The following WNK1 variants were observed in gnomAD, a reference collection of about 807,000 sequenced individuals.
The protein encoded by WNK1 is serine/threonine-protein kinase WNK1.
A neutral mutation model predicts 222.8 loss-of-function variants in WNK1; 38 were observed. The ratio of observed to expected loss-of-function variants is 0.17; its 90% CI spans 0.13 to 0.22. WNK1 has a LOEUF of 0.22. Ranked by LOEUF, WNK1 falls within the 10% of genes least tolerant of loss-of-function variation. The probability of loss-of-function intolerance (pLI) is 1.00; values close to 1 mark genes in which losing one functional copy is unlikely to be tolerated. For missense variants in WNK1, 2,348 were observed against 2,918.4 expected (o/e 0.80, Z 4.50); for synonymous variants, 1,090 against 1,092.9 (o/e 1.00, Z 0.05).
Position 896,516 on chromosome 12 carries a change from C to T in WNK1, c.6029C>T (p.Pro2010Leu), listed in dbSNP as rs764595104. The stretch of plus-strand genomic sequence containing the variant: ...TCAGAGCCTTCACATCTAAATGGGC[C>T]GTCTTCTGACCCGGAGGCCGCTTTT... ...ELSEPSHLNG[P>L]SSDPEAAFLS... The change falls in exon 24 of 28, where the codon CCG becomes CTG. Residue 2010 changes from proline (P) to leucine (L), a missense_variant. Pro to Leu is a moderately conservative substitution (Grantham distance 98). Around this residue, in one of 13 missense-constraint regions of WNK1, gnomAD observed 1,144 missense variants for 1,273.6 expected, o/e 0.90. Coordinates refer to ENST00000315939, the MANE Select transcript of WNK1 (RefSeq NM_018979.4). 1.1e-5 allele frequency: 17 copies of T among 1,613,406 alleles called. No individual in the cohort carries two copies. The highest frequency in any genetic ancestry group is 6.7e-5 in the Admixed American group (4 of 59,906).
At chr12:853,878 T>C (rs1305549597) in intron 4 of WNK1, among the ~76,000 whole-genome samples, 1 of 151,878 alleles carries the variant, frequency 6.6e-6, no homozygotes, top group Non-Finnish European at 1.5e-5. Flanking sequence ...GCCTCCTGAG[T>C]AGGTGGACCT....
intron 4 of WNK1, among the ~76,000 whole-genome samples, chr12:833,091 AAACTT>A (rs1472901027): frequency 6.6e-6 from 1 of 151,964 alleles, no homozygotes; most frequent in Non-Finnish European, 1.5e-5. Flanking sequence ...AAATTGTAGA[AAACTT>A]AAGAGGTATA....
rs896104010 is a variant in WNK1, at chr12:827,517, T to G, written c.1153+255T>G. 2.0e-6 allele frequency: 1 copy of G among 491,834 alleles called. No individual in the cohort carries two copies. The highest frequency in any genetic ancestry group is 4.0e-5 in the Admixed American group (1 of 24,976). 30.5% of individuals were successfully genotyped at this position (491,834 alleles called of 1,614,324 possible). On this transcript the variant is annotated intron_variant, in intron 3 of 27. Coordinates refer to ENST00000315939, the MANE Select transcript of WNK1 (RefSeq NM_018979.4). This position sits in a 1 kb window ranked among gnomAD's most constrained non-coding sequence, Gnocchi z 4.6. The stretch of plus-strand genomic sequence containing the variant: ...GTTGATAAAACCTAATGTAATAGCC[T>G]TTTTTGTTGTTGTTGTTGTTGTTGT...
intron 26 of WNK1, among the ~76,000 whole-genome samples, chr12:901,285 A>C (rs1297446135): frequency 2.0e-5 from 3 of 152,248 alleles, no homozygotes; most frequent in Non-Finnish European, 4.4e-5. Flanking sequence ...CAGAAATTAG[A>C]GATCAGTCTC....
chr12:878,136 T>A (rs1952794128), intron 9 of WNK1, 76 bp from the exon 10 acceptor site: 1 of 1,576,772 alleles, frequency 6.3e-7, no homozygotes, highest in Non-Finnish European at 8.7e-7. Flanking sequence ...ACTGAAGGCT[T>A]TAGGTAAACA....
chr12:852,167 A>G (rs1292053885), intron 4 of WNK1, among the ~76,000 whole-genome samples: 1 of 152,216 alleles, frequency 6.6e-6, no homozygotes, highest in Non-Finnish European at 1.5e-5. Flanking sequence ...AGTTGGCAAA[A>G]CACAGTATAT....
At chr12:850,318 GTGA>G (rs1389668609) in intron 4 of WNK1, among the ~76,000 whole-genome samples, 1 of 152,028 alleles carries the variant, frequency 6.6e-6, no homozygotes, top group African/African-American at 2.4e-5. Context: ...CTGATGGCCA[GTGA>G]TGATGAGCAT....
Position 806,985 on chromosome 12 carries a change from C to T in WNK1, c.760-6657C>T, listed in dbSNP as rs186053948. On this transcript the variant is annotated intron_variant, in intron 1 of 27. Coordinates refer to ENST00000315939, the MANE Select transcript of WNK1 (RefSeq NM_018979.4). ...TTTTTCCTGACTCTTCAAATCTTCTCGCTGGGCTTCTGGGCTAGATCTCCC... is the reference window on the plus strand; with the variant it reads ...TTTTTCCTGACTCTTCAAATCTTCTTGCTGGGCTTCTGGGCTAGATCTCCC... 6.6e-5 allele frequency among the ~76,000 whole-genome samples: 10 copies of T among 152,262 alleles called. No individual in the cohort carries two copies. In the East Asian group the frequency reaches 1.7e-3, roughly 26 times the overall value.
intron 7 of WNK1, 142 bp from the exon 8 acceptor site, chr12:861,941 C>A (rs1425050658): frequency 5.4e-6 from 5 of 928,506 alleles, no homozygotes; most frequent in Non-Finnish European, 8.3e-6. Flanking sequence ...GGCTACAATT[C>A]ATTTTTTATT....
intron 1 of WNK1, among the ~76,000 whole-genome samples, chr12:800,250 A>T (rs1945742208): frequency 6.6e-6 from 1 of 152,190 alleles, no homozygotes; most frequent in Admixed American, 6.5e-5. Flanking sequence ...AAATCCAGAA[A>T]AAAACATTTA....
chr12:755,252 G>T (rs1226449552), intron 1 of WNK1, among the ~76,000 whole-genome samples: 3 of 152,144 alleles, frequency 2.0e-5, no homozygotes, highest in Admixed American at 2.0e-4. Context: ...AGTAGGAGCA[G>T]GTTTATGCTG....
At chr12:861,490 T>C (rs974368570) in intron 7 of WNK1, 147 bp downstream of exon 7, 1 of 725,354 alleles carries the variant, frequency 1.4e-6, no homozygotes, top group African/African-American at 1.8e-5. Flanking sequence ...CTAGCTTCTC[T>C]TTATTCTTAT....
intron 4 of WNK1, among the ~76,000 whole-genome samples, chr12:831,532 T>C (rs1351707282): frequency 2.7e-5 from 4 of 150,142 alleles, no homozygotes; most frequent in Non-Finnish European, 5.9e-5. Context: ...AGTAAGACTC[T>C]GTCTCAAAAA....
intron 8 of WNK1, chr12:865,422 C>T: frequency 6.7e-7 from 1 of 1,484,958 alleles, no homozygotes; most frequent in Non-Finnish European, 9.0e-7. Context: ...TACATCCAGG[C>T]AACAAGAATT....
At chr12:799,420 C>T (rs983887428) in intron 1 of WNK1, among the ~76,000 whole-genome samples, 3 of 151,198 alleles carry the variant, frequency 2.0e-5, no homozygotes, top group Admixed American at 6.6e-5. Context: ...CATGAGCCAC[C>T]GCACCCGGCC....
At chr12:894,764 C>T (rs1954592263) in intron 23 of WNK1, 129 bp downstream of exon 23, 1 of 779,292 alleles carries the variant, frequency 1.3e-6, no homozygotes, top group East Asian at 2.6e-5. Flanking sequence ...TACTTTATAG[C>T]TCTTTTTAGC....
chr12:756,293 C>A (rs1341284098), intron 1 of WNK1, among the ~76,000 whole-genome samples: 5 of 152,090 alleles, frequency 3.3e-5, no homozygotes, highest in African/African-American at 1.2e-4. Context: ...CTTTTATCAC[C>A]TGGAATTTTC....
intron 26 of WNK1, chr12:906,310 T>C: frequency 2.0e-6 from 2 of 985,236 alleles, no homozygotes; most frequent in Non-Finnish European, 2.4e-6. Context: ...CTTGGAATAA[T>C]CTTCAGTGTG....
chr12:753,572 G>A lies in WNK1; in HGVS notation c.7G>A (p.Gly3Ser). 6.2e-7 allele frequency: 1 copy of A among 1,612,506 alleles called. No individual in the cohort carries two copies. The highest frequency in any genetic ancestry group is 1.1e-5 in the South Asian group (1 of 91,064). Residue 3 changes from glycine to serine, a missense_variant, in exon 1 of 28, where the codon GGC becomes AGC. This residue lies in a region of WNK1 where 108 missense variants were observed against 109.7 expected (regional missense o/e 0.98). Coordinates refer to ENST00000315939, the MANE Select transcript of WNK1 (RefSeq NM_018979.4). The surrounding 1 kb of genome is among the most constrained non-coding windows in gnomAD (Gnocchi z 5.2). Reference sequence around the variant, plus strand: ...TCTCTCCAGCGAACCGACCATGTCTGGCGGCGCCGCAGAGAAGCAGAGCAG... The same window carrying A: ...TCTCTCCAGCGAACCGACCATGTCTAGCGGCGCCGCAGAGAAGCAGAGCAG... Reference protein sequence around the residue: MSGGAAEKQSSTP... With the variant: MSSGAAEKQSSTP...
Sources: allele counts gnomAD v4.1 joint callset (sites outside exome capture counted in the v4.1 genomes callset), GRCh38; gene constraint gnomAD v4.1.1; regional missense constraint gnomAD v4.1.1; non-coding constraint Gnocchi (gnomAD v3.1); transcripts MANE v1.5; gene names NCBI Gene and HGNC (gene_info 2026-07-23, HGNC 2026-07-21).